SDHAF3: variants seen among roughly 807,000 people sequenced by gnomAD.
SDHAF3 encodes the protein succinate dehydrogenase complex assembly factor 3.
In SDHAF3, 18 loss-of-function variants were observed where a neutral mutation model predicts 11.5. The ratio of observed to expected loss-of-function variants is 1.56; its 90% confidence interval spans 1.08 to 2.32. The LOEUF (loss-of-function observed/expected upper bound fraction) is 2.32, where lower values mean the gene tolerates loss of function less well. SDHAF3 is among the 30% of genes most tolerant of loss of function. SDHAF3 has a pLI of 0.00. For missense variants in SDHAF3, 200 were observed against 154.4 expected (o/e 1.30, Z -1.57); for synonymous variants, 72 against 59.3 (o/e 1.21, Z -0.99).
chr7:97,165,357 CTTTTTT>C (rs10653828), intron 1 of SDHAF3, among the ~76,000 whole-genome samples: 1 of 77,024 alleles, frequency 1.3e-5, no homozygotes. Context: ...ATTTTCCTAC[CTTTTTT>C]TTTTTTTTTT....
intron 1 of SDHAF3, among the ~76,000 whole-genome samples, chr7:97,172,610 T>C (rs1418842733): frequency 6.6e-6 from 1 of 152,200 alleles, no homozygotes; most frequent in African/African-American, 2.4e-5. Context: ...CCACTTTGGT[T>C]CTAGCCTGTG....
intron 1 of SDHAF3, among the ~76,000 whole-genome samples, chr7:97,140,299 A>G (rs547159463): frequency 1.4e-5 from 2 of 144,582 alleles, no homozygotes; most frequent in East Asian, 4.0e-4. Flanking sequence ...AGAAATCTCT[A>G]TGTCTTAAAT....
chr7:97,132,931 C>T (rs924858398), intron 1 of SDHAF3, among the ~76,000 whole-genome samples: 1 of 152,144 alleles, frequency 6.6e-6, no homozygotes. Flanking sequence ...AGCAGACTCA[C>T]ATTACTTAAA....
intron 1 of SDHAF3, among the ~76,000 whole-genome samples, chr7:97,131,566 C>T (rs1185571303): frequency 6.6e-6 from 1 of 151,884 alleles, no homozygotes; most frequent in Non-Finnish European, 1.5e-5. Context: ...TATATTTTAC[C>T]CCTGAATTAG....
At chr7:97,121,179 G>T (rs1318911530) in intron 1 of SDHAF3, among the ~76,000 whole-genome samples, 1 of 152,192 alleles carries the variant, frequency 6.6e-6, no homozygotes, top group Non-Finnish European at 1.5e-5. Context: ...TAGATCGGGG[G>T]TCTTACTACG....
chr7:97,167,276 CCCCTTGG>C (rs2115731094), intron 1 of SDHAF3, among the ~76,000 whole-genome samples: 1 of 152,240 alleles, frequency 6.6e-6, no homozygotes, highest in South Asian at 2.1e-4. Flanking sequence ...TAGCACTTCC[CCCCTTGG>C]CTCTCTCTCC....
chr7:97,146,800 T>C (rs1789141931), intron 1 of SDHAF3, among the ~76,000 whole-genome samples: 1 of 151,776 alleles, frequency 6.6e-6, no homozygotes, highest in Non-Finnish European at 1.5e-5. Context: ...TTTTTTTTTT[T>C]TTTTGAGATG....
intron 1 of SDHAF3, among the ~76,000 whole-genome samples, chr7:97,126,114 G>A (rs1220690201): frequency 6.6e-6 from 1 of 152,150 alleles, no homozygotes; most frequent in African/African-American, 2.4e-5. Flanking sequence ...ATTTGCCTGG[G>A]TATTACCAGC....
At chr7:97,118,529 A>G (rs991533151) in intron 1 of SDHAF3, among the ~76,000 whole-genome samples, 1 of 147,580 alleles carries the variant, frequency 6.8e-6, no homozygotes, top group African/African-American at 2.5e-5. Flanking sequence ...AGACACATGC[A>G]TTAGCAATAA....
At chr7:97,152,146 A>G (rs1267201639) in intron 1 of SDHAF3, among the ~76,000 whole-genome samples, 1 of 152,128 alleles carries the variant, frequency 6.6e-6, no homozygotes, top group Admixed American at 6.6e-5. Context: ...CCCCCTCACC[A>G]ACCTCTGATA....
At chr7:97,135,846 C>G (rs1201424748) in intron 1 of SDHAF3, among the ~76,000 whole-genome samples, 1 of 150,966 alleles carries the variant, frequency 6.6e-6, no homozygotes, top group Non-Finnish European at 1.5e-5. Flanking sequence ...CGCCACCACG[C>G]CTGGCTAATT....
chr7:97,164,729 T>A (rs1431570861), intron 1 of SDHAF3, among the ~76,000 whole-genome samples: 1 of 152,160 alleles, frequency 6.6e-6, no homozygotes, highest in Non-Finnish European at 1.5e-5. Flanking sequence ...CATCTTGAGT[T>A]GCGTGAATTC....
chr7:97,142,333 G>C (rs529422911), intron 1 of SDHAF3, among the ~76,000 whole-genome samples: 1 of 152,012 alleles, frequency 6.6e-6, no homozygotes. Context: ...GATTACAGGC[G>C]TGAGCCACCG....
chr7:97,160,845 C>CT (rs1319678512), intron 1 of SDHAF3, among the ~76,000 whole-genome samples: 1 of 151,808 alleles, frequency 6.6e-6, no homozygotes, highest in East Asian at 1.9e-4. Flanking sequence ...TAAGACTTTT[C>CT]TTTTTCTTTT....
At chr7:97,150,437 A>G (rs1334948761) in intron 1 of SDHAF3, among the ~76,000 whole-genome samples, 4 of 152,186 alleles carry the variant, frequency 2.6e-5, no homozygotes, top group Non-Finnish European at 5.9e-5. Flanking sequence ...GTGGGGCTAC[A>G]TAATGGTTGT....
In SDHAF3 at chr7:97,180,880, T is replaced by TATC. The variant is rs1789760475; in HGVS notation, c.175-131_175-129dup. ...AATTGTATCTTCACAACTATATTTA[T>TATC]ATCTCCTTAACCAAATGCTTCTGCA... On this transcript the variant is annotated intron_variant, in intron 1 of 1. Transcript: ENST00000432641. 6 of 707,088 alleles carry TATC rather than the reference T, an allele frequency of 8.5e-6. No homozygotes were observed. In the Admixed American group the frequency reaches 1.0e-4, roughly 12 times the overall value. 43.8% of individuals were successfully genotyped at this position (707,088 alleles called of 1,614,324 possible). A position where few individuals can be genotyped will look rare whatever the true frequency, so the allele number is the denominator to read the frequency against.
chr7:97,140,547 A>G (rs1300337103), intron 1 of SDHAF3, among the ~76,000 whole-genome samples: 1 of 152,096 alleles, frequency 6.6e-6, no homozygotes, highest in African/African-American at 2.4e-5. Context: ...TCAGAAGAAC[A>G]TAAATCGTGA....
rs116464515 is a variant in SDHAF3, at chr7:97,122,385, A to G, written c.174+4488A>G. On this transcript the variant is annotated intron_variant, in intron 1 of 1. Transcript: ENST00000432641. ...AGCAATATAGAGGAATAATTGAAGT[A>G]AAAGCCTGATTGAAAGTAGGGAGAA... 6.7e-3 allele frequency among the ~76,000 whole-genome samples: 1,016 copies of G among 152,330 alleles called. 14 individuals are homozygous for G. Among genetic ancestry groups the G allele is most frequent in the African/African-American group, 0.023 (972 of 41,566 alleles).
At chr7:97,130,283 A>C (rs1791647741) in intron 1 of SDHAF3, among the ~76,000 whole-genome samples, 1 of 151,760 alleles carries the variant, frequency 6.6e-6, no homozygotes, top group African/African-American at 2.4e-5. Flanking sequence ...AAAAAAAAAA[A>C]AAAACCTTGA....
Sources: allele counts gnomAD v4.1 joint callset (sites outside exome capture counted in the v4.1 genomes callset), GRCh38; gene constraint gnomAD v4.1.1; transcripts MANE v1.5; gene names NCBI Gene and HGNC (gene_info 2026-07-23, HGNC 2026-07-21).